The following SLC35A1 variants were observed in gnomAD, a reference collection of about 807,000 sequenced individuals.
SLC35A1 encodes CMP-sialic acid transporter.
In SLC35A1, 21 loss-of-function variants were observed where a neutral mutation model predicts 40.3. The observed-to-expected ratio is 0.52, with a 90% confidence interval of 0.37 to 0.75. SLC35A1 has a LOEUF of 0.75. SLC35A1 is among the 30% of genes least tolerant of loss of function. The pLI, the probability that SLC35A1 is intolerant of heterozygous loss-of-function variation, is 0.00. For synonymous variants in SLC35A1, 146 were observed against 147.3 expected (o/e 0.99, Z 0.06); for missense variants, 297 against 382.1 (o/e 0.78, Z 1.86).
intron 1 of SLC35A1, among the ~76,000 whole-genome samples, 191 bp downstream of exon 1, chr6:87,473,210 C>T (rs572016542): frequency 1.4e-4 from 22 of 152,330 alleles, no homozygotes; most frequent in African/African-American, 5.3e-4. Flanking sequence ...GCTGCGGCTG[C>T]AGTCTCCGCG....
chr6:87,506,872 C>CT (rs1205532584), intron 5 of SLC35A1: 2 of 229,080 alleles, frequency 8.7e-6, no homozygotes, highest in African/African-American at 4.6e-5. Context: ...TCTTTCTCTG[C>CT]TTTAACAGGT....
intron 2 of SLC35A1, 24 bp downstream of exon 2, chr6:87,477,563 G>A (rs1769112124): frequency 1.9e-6 from 3 of 1,569,954 alleles, no homozygotes; most frequent in Non-Finnish European, 2.6e-6. Context: ...CTTATAGTGT[G>A]TTAAATTATT....
At chr6:87,478,793 T>G (rs952692643) in intron 2 of SLC35A1, among the ~76,000 whole-genome samples, 25 of 152,330 alleles carry the variant, frequency 1.6e-4, no homozygotes, top group African/African-American at 5.8e-4. Context: ...ATACAAAATT[T>G]TCTTTTTTTC....
At chr6:87,481,341 T>TG (rs1298342541) in intron 2 of SLC35A1, among the ~76,000 whole-genome samples, 4 of 150,602 alleles carry the variant, frequency 2.7e-5, no homozygotes, top group African/African-American at 9.8e-5. Context: ...CGCTTGAACC[T>TG]GGGAGGCGGA....
intron 1 of SLC35A1, among the ~76,000 whole-genome samples, chr6:87,473,312 C>T (rs974495304): frequency 2.0e-5 from 3 of 152,024 alleles, no homozygotes; most frequent in Admixed American, 6.5e-5. Flanking sequence ...CAGGCCGGGG[C>T]TGCGGCGGAC....
chr6:87,505,853 A>G (rs1385281519), intron 4 of SLC35A1, among the ~76,000 whole-genome samples: 1 of 152,174 alleles, frequency 6.6e-6, no homozygotes, highest in Middle Eastern at 3.2e-3. Flanking sequence ...AAATCTCAAC[A>G]TGTGTTTTGA....
Position 87,508,490 on chromosome 6 carries a change from A to G in SLC35A1, c.645A>G (p.Leu215=), listed in dbSNP as rs1354272700. 2 of 1,612,610 alleles carry G rather than the reference A, an allele frequency of 1.2e-6. No homozygotes were observed. Among genetic ancestry groups the G allele is most frequent in the East Asian group, 2.2e-5 (1 of 44,780 alleles). Residue 215 remains leucine (L), a synonymous_variant, in exon 6 of 8, where the codon CTA becomes CTG. Transcript: ENST00000369552. ...SLWVRNIQMY[L]SGIIVTLAGV... is the part of the protein sequence containing the mutation. ...GGGTGAGAAACATTCAAATGTATCT[A>G]TCAGGGATTATTGTGACATTAGCTG...
chr6:87,473,102 C>T, intron 1 of SLC35A1, 83 bp downstream of exon 1: 1 of 418,514 alleles, frequency 2.4e-6, no homozygotes. Context: ...CCCTGTCGGG[C>T]AGCGGAGCAC....
chr6:87,508,828 G>C (rs1346513653), intron 6 of SLC35A1, among the ~76,000 whole-genome samples: 1 of 152,094 alleles, frequency 6.6e-6, no homozygotes, highest in Non-Finnish European at 1.5e-5. Flanking sequence ...AAATTTAATA[G>C]ACCACATAGC....
intron 5 of SLC35A1, 61 bp downstream of exon 5, chr6:87,506,509 GAC>G: frequency 1.6e-6 from 2 of 1,262,000 alleles, no homozygotes; most frequent in Non-Finnish European, 2.3e-6. Context: ...TCAAACTTTA[GAC>G]ACCAGTCTAG....
intron 4 of SLC35A1, among the ~76,000 whole-genome samples, chr6:87,504,311 T>C (rs1205640734): frequency 3.3e-5 from 5 of 151,954 alleles, no homozygotes; most frequent in Non-Finnish European, 7.4e-5. Context: ...CCTTACAGGA[T>C]TTTTTGCAAG....
intron 6 of SLC35A1, 40 bp downstream of exon 6, chr6:87,508,636 ATT>A (rs570166119): frequency 1.6e-5 from 23 of 1,441,646 alleles, no homozygotes; most frequent in Non-Finnish European, 2.1e-5. Context: ...TAGATCCTTT[ATT>A]TTTTTTTTAA....
At chr6:87,483,359 T>TC (rs1313784378) in intron 2 of SLC35A1, among the ~76,000 whole-genome samples, 1 of 151,970 alleles carries the variant, frequency 6.6e-6, no homozygotes, top group East Asian at 1.9e-4. Context: ...AGCCTTTCTT[T>TC]CCCCCGAGAA....
chr6:87,480,141 T>C (rs1396069323), intron 2 of SLC35A1, among the ~76,000 whole-genome samples: 1 of 152,238 alleles, frequency 6.6e-6, no homozygotes, highest in Non-Finnish European at 1.5e-5. Context: ...TGCATCCTGT[T>C]AAGTCTCCAA....
intron 1 of SLC35A1, among the ~76,000 whole-genome samples, chr6:87,475,628 C>T (rs974134839): frequency 1.3e-5 from 2 of 152,260 alleles, no homozygotes; most frequent in Non-Finnish European, 2.9e-5. Flanking sequence ...TTAATGCACT[C>T]GGGAAAATAT....
At chr6:87,480,839 T>C (rs1769223049) in intron 2 of SLC35A1, among the ~76,000 whole-genome samples, 1 of 152,152 alleles carries the variant, frequency 6.6e-6, no homozygotes, top group Non-Finnish European at 1.5e-5. Context: ...ATGATTCTGA[T>C]GGTAATGGTG....
chr6:87,485,207 A>C (rs937347467), intron 2 of SLC35A1, among the ~76,000 whole-genome samples: 3 of 152,236 alleles, frequency 2.0e-5, no homozygotes, highest in South Asian at 4.1e-4. Context: ...ATGATTTGTT[A>C]TATGCACAGG....
chr6:87,500,695 C>T (rs1324025590), intron 3 of SLC35A1, 28 bp downstream of exon 3: 2 of 1,610,438 alleles, frequency 1.2e-6, no homozygotes, highest in South Asian at 1.1e-5. Context: ...TAATGAAAAG[C>T]ACAGAATCTT....
chr6:87,491,627 C>T (rs944948634), intron 2 of SLC35A1, among the ~76,000 whole-genome samples: 15 of 152,196 alleles, frequency 9.9e-5, no homozygotes, highest in Non-Finnish European at 1.0e-4. Flanking sequence ...CTTCTTCATT[C>T]AGGTGGCTCT....
Sources: allele counts gnomAD v4.1 joint callset (sites outside exome capture counted in the v4.1 genomes callset), GRCh38; gene constraint gnomAD v4.1.1; transcripts MANE v1.5; gene names NCBI Gene and HGNC (gene_info 2026-07-23, HGNC 2026-07-21).